Variants in NCAM2 observed in about 807,000 individuals in gnomAD.
NCAM2 encodes neural cell adhesion molecule 2.
A neutral mutation model predicts 98.1 loss-of-function variants in NCAM2; 30 were observed. The ratio of observed to expected loss-of-function variants is 0.31; its 90% CI spans 0.23 to 0.41. The LOEUF is 0.41. NCAM2 is among the 10% of genes least tolerant of loss of function. The pLI, the probability that NCAM2 is intolerant of heterozygous loss-of-function variation, is 1.00. For missense variants in NCAM2, 867 were observed against 1,005.8 expected (o/e 0.86, Z 1.87); for synonymous variants, 368 against 342.4 (o/e 1.07, Z -0.83).
At chr21:21,116,077 C>T (rs1243124222) in intron 1 of NCAM2, among the ~76,000 whole-genome samples, 2 of 149,598 alleles carry the variant, frequency 1.3e-5, no homozygotes, top group South Asian at 2.1e-4. Context: ...TCTAAGTCAC[C>T]TTGTTTGCAC....
intron 1 of NCAM2, among the ~76,000 whole-genome samples, chr21:21,112,879 A>G (rs887993536): frequency 2.0e-5 from 3 of 152,210 alleles, no homozygotes; most frequent in African/African-American, 4.8e-5. Context: ...AACTACTTCC[A>G]TGCAGCACTG....
intron 1 of NCAM2, among the ~76,000 whole-genome samples, chr21:21,104,267 G>T (rs371201201): frequency 1.3e-5 from 2 of 152,150 alleles, no homozygotes; most frequent in South Asian, 4.1e-4. Context: ...GTTATAATCG[G>T]ATATTTACAT....
intron 4 of NCAM2, among the ~76,000 whole-genome samples, chr21:21,289,759 G>A (rs1405562692): frequency 6.6e-6 from 1 of 151,920 alleles, no homozygotes; most frequent in Non-Finnish European, 1.5e-5. Flanking sequence ...CTACTACGGA[G>A]TTTGTAATTT....
At chr21:21,019,205 A>G (rs1328272390) in intron 1 of NCAM2, among the ~76,000 whole-genome samples, 1 of 152,220 alleles carries the variant, frequency 6.6e-6, no homozygotes, top group East Asian at 1.9e-4. Context: ...GTTCTGTTCC[A>G]TGCTCAGTGA....
chr21:21,480,346 G>A (rs1312163393), intron 15 of NCAM2, among the ~76,000 whole-genome samples: 3 of 129,530 alleles, frequency 2.3e-5, no homozygotes, highest in Non-Finnish European at 1.5e-5. Context: ...CAGCCTGGGC[G>A]ACAGAGCGAG....
chr21:21,026,223 A>C (rs1350176267), intron 1 of NCAM2, among the ~76,000 whole-genome samples: 1 of 152,174 alleles, frequency 6.6e-6, no homozygotes, highest in Non-Finnish European at 1.5e-5. Flanking sequence ...AAAAGAAGGC[A>C]ATTAACTAGG....
chr21:21,119,453 G>A (rs2066627951), intron 1 of NCAM2, among the ~76,000 whole-genome samples: 1 of 152,164 alleles, frequency 6.6e-6, no homozygotes, highest in African/African-American at 2.4e-5. Flanking sequence ...GATTTTAAAA[G>A]AATTGTAGTA....
chr21:21,440,151 A>G (rs1316570043), intron 12 of NCAM2, among the ~76,000 whole-genome samples: 2 of 152,226 alleles, frequency 1.3e-5, no homozygotes, highest in Non-Finnish European at 2.9e-5. Context: ...ACATTTTAAA[A>G]AATGTGTCAT....
At chr21:21,301,438 G>C (rs2073710461) in intron 5 of NCAM2, among the ~76,000 whole-genome samples, 1 of 145,364 alleles carries the variant, frequency 6.9e-6, no homozygotes, top group Non-Finnish European at 1.5e-5. Flanking sequence ...ACATTGTGCA[G>C]GTTAGTTACA....
At chr21:21,243,707 T>G (rs914500723) in intron 1 of NCAM2, among the ~76,000 whole-genome samples, 1 of 152,170 alleles carries the variant, frequency 6.6e-6, no homozygotes, top group African/African-American at 2.4e-5. Context: ...GCTTAGAAGA[T>G]GGACGTGTTC....
intron 15 of NCAM2, among the ~76,000 whole-genome samples, chr21:21,478,791 A>G (rs1403636825): frequency 6.6e-6 from 1 of 152,168 alleles, no homozygotes; most frequent in Non-Finnish European, 1.5e-5. Context: ...ATAAGGAAGC[A>G]TTATTCTCAT....
chr21:21,174,887 T>C (rs1379148169), intron 1 of NCAM2, among the ~76,000 whole-genome samples: 2 of 152,056 alleles, frequency 1.3e-5, no homozygotes, highest in African/African-American at 2.4e-5. Context: ...TGATCTGAGA[T>C]AGTCATGTCC....
chr21:21,217,006 A>G (rs751454819), intron 1 of NCAM2, among the ~76,000 whole-genome samples: 20 of 152,220 alleles, frequency 1.3e-4, no homozygotes, highest in Admixed American at 4.6e-4. Context: ...CCCCAAAGAA[A>G]CAAAGCTGTT....
chr21:21,456,759 C>A (rs895522399), intron 12 of NCAM2, among the ~76,000 whole-genome samples: 5 of 152,096 alleles, frequency 3.3e-5, no homozygotes, highest in African/African-American at 1.2e-4. Flanking sequence ...GTATTAAATC[C>A]TAAGGGCAAA....
chr21:21,354,540 T>C (rs1384886321), intron 8 of NCAM2, among the ~76,000 whole-genome samples: 1 of 152,188 alleles, frequency 6.6e-6, no homozygotes, highest in East Asian at 1.9e-4. Context: ...TTTCAAAATA[T>C]TACCTAACCT....
Position 21,504,231 on chromosome 21 carries a change from G to A in NCAM2, c.2078-4620G>A, listed in dbSNP as rs543705922. Among the ~76,000 whole-genome samples, 8 of 151,912 alleles carry A rather than the reference G, an allele frequency of 5.3e-5. No homozygotes were observed. In the South Asian group the frequency reaches 1.2e-3, roughly 24 times the overall value. ...ATTCACGTGTACAGTTCTCATTTTA[G>A]GGGTTAGTATGTGACTTAGGCCAAT... is the stretch of plus-strand genomic sequence containing the variant. On this transcript the variant is annotated intron_variant, in intron 15 of 17. Coordinates refer to ENST00000400546, the MANE Select transcript of NCAM2 (RefSeq NM_004540.5).
intron 16 of NCAM2, among the ~76,000 whole-genome samples, chr21:21,512,930 T>A (rs1988483672): frequency 6.6e-6 from 1 of 152,104 alleles, no homozygotes; most frequent in East Asian, 1.9e-4. Flanking sequence ...TGTACGTTGA[T>A]TTTTTATCCT....
At chr21:21,432,737 T>C (rs2077373379) in intron 12 of NCAM2, among the ~76,000 whole-genome samples, 1 of 152,156 alleles carries the variant, frequency 6.6e-6, no homozygotes, top group African/African-American at 2.4e-5. Flanking sequence ...TTTGTATTTT[T>C]ATATTTTTTT....
chr21:21,196,114 T>C (rs575842718), intron 1 of NCAM2, among the ~76,000 whole-genome samples: 2 of 152,216 alleles, frequency 1.3e-5, no homozygotes, highest in Non-Finnish European at 2.9e-5. Flanking sequence ...ATTAAGGTCC[T>C]ATGGCGTGGT....
Sources: gnomAD v4.1 joint callset for allele counts (sites outside exome capture counted in the v4.1 genomes callset) on GRCh38, gnomAD v4.1.1 for gene constraint, MANE v1.5 for transcripts, NCBI Gene and HGNC (gene_info 2026-07-23, HGNC 2026-07-21) for gene names.